The following BLTP2 variants were observed in gnomAD, a reference collection of about 807,000 sequenced individuals.
BLTP2 encodes bridge-like lipid transfer protein family member 2.
the BLTP2 span, among the ~76,000 whole-genome samples, chr17:28,641,417 G>A: frequency 1.4e-4 from 21 of 152,202 alleles, no homozygotes; most frequent in African/African-American, 4.6e-4. Flanking sequence ...CAAGGCTGGC[G>A]GATCACGAGG....
At chr17:28,615,282 T>C in the BLTP2 span, 1 of 1,528,260 alleles carries the variant, frequency 6.5e-7, no homozygotes, top group Non-Finnish European at 8.9e-7. Context: ...AAAATGTAAA[T>C]ATTAGTGGGC....
At chr17:28,626,854 A>G in the BLTP2 span, among the ~76,000 whole-genome samples, 74,046 of 152,110 alleles carry the variant, frequency 0.49, 22,336 homozygotes, top group African/African-American at 0.86. Flanking sequence ...TGTTTCCTTC[A>G]GTCCTGTGAG....
the BLTP2 span, among the ~76,000 whole-genome samples, chr17:28,625,566 C>G: frequency 6.6e-6 from 1 of 152,058 alleles, no homozygotes; most frequent in African/African-American, 2.4e-5. Flanking sequence ...CTACACCTCC[C>G]AAACCTGTTT....
chr17:28,636,695 T>C, the BLTP2 span, among the ~76,000 whole-genome samples: 1 of 151,700 alleles, frequency 6.6e-6, no homozygotes, highest in African/African-American at 2.4e-5. Context: ...CTAGAAAAAA[T>C]AAAGAAGATC....
chr17:28,640,674 T>G, the BLTP2 span: 1 of 1,613,920 alleles, frequency 6.2e-7, no homozygotes, highest in African/African-American at 1.3e-5. Context: ...AACTAAGTTT[T>G]CTGTCACCTC....
the BLTP2 span, chr17:28,621,319 A>C: frequency 7.0e-7 from 1 of 1,434,416 alleles, no homozygotes; most frequent in Non-Finnish European, 9.8e-7. Flanking sequence ...ACTGACGTTA[A>C]GAATAGGTAG....
chr17:28,644,018 A>C, the BLTP2 span: 8 of 1,580,828 alleles, frequency 5.1e-6, no homozygotes, highest in Non-Finnish European at 6.9e-6. Flanking sequence ...ATTCAATTGG[A>C]TCAACCCTAC....
the BLTP2 span, chr17:28,637,205 G>A: frequency 3.5e-5 from 55 of 1,555,540 alleles, no homozygotes; most frequent in African/African-American, 6.8e-5. Context: ...CTTGGTTCCC[G>A]GCTCTCAAAG....
the BLTP2 span, chr17:28,623,749 CACTG>C: frequency 6.2e-7 from 1 of 1,612,786 alleles, no homozygotes; most frequent in South Asian, 1.1e-5. Context: ...TTCACAAACT[CACTG>C]ACTAACCTCT....
At chr17:28,633,191 G>C in the BLTP2 span, 3 of 1,592,392 alleles carry the variant, frequency 1.9e-6, no homozygotes, top group Non-Finnish European at 2.6e-6. Context: ...CCAGCCCTCA[G>C]TGCCCTGGTC....
the BLTP2 span, among the ~76,000 whole-genome samples, chr17:28,641,606 A>G: frequency 1.3e-5 from 2 of 151,082 alleles, no homozygotes; most frequent in African/African-American, 4.9e-5. Flanking sequence ...ACGCCATTGC[A>G]CTCCAGCCTG....
the BLTP2 span, among the ~76,000 whole-genome samples, chr17:28,641,242 G>C: frequency 6.6e-6 from 1 of 152,074 alleles, no homozygotes. Flanking sequence ...TTGTGGATGC[G>C]GAACACACAG....
chr17:28,622,815 G>A, the BLTP2 span, among the ~76,000 whole-genome samples: 2 of 152,172 alleles, frequency 1.3e-5, no homozygotes, highest in East Asian at 3.8e-4. Context: ...GGTGGCTCAC[G>A]CCTGTAATCC....
the BLTP2 span, chr17:28,633,838 C>G: frequency 6.2e-7 from 1 of 1,602,306 alleles, no homozygotes; most frequent in South Asian, 1.1e-5. Flanking sequence ...AGCTCACCTC[C>G]CATTTCACCC....
chr17:28,620,702 C>T, the BLTP2 span: 4 of 1,535,066 alleles, frequency 2.6e-6, no homozygotes, highest in South Asian at 1.2e-5. Context: ...TCTTAACCCA[C>T]ATTTGGAACC....
chr17:28,643,080 C>T, the BLTP2 span: 1 of 1,573,736 alleles, frequency 6.4e-7, no homozygotes, highest in Non-Finnish European at 8.7e-7. Context: ...TAGCATTATG[C>T]CCTAAAAACA....
At chr17:28,638,584 T>C in the BLTP2 span, 2 of 1,613,874 alleles carry the variant, frequency 1.2e-6, no homozygotes, top group South Asian at 1.1e-5. Context: ...TGAATGGAAA[T>C]GTTGACATTG....
the BLTP2 span, chr17:28,634,923 C>T: frequency 6.2e-7 from 1 of 1,613,926 alleles, no homozygotes; most frequent in South Asian, 1.1e-5. Flanking sequence ...CATGAAGTTT[C>T]ACCTCAAAAA....
the BLTP2 span, among the ~76,000 whole-genome samples, chr17:28,628,933 CAA>C: frequency 5.1e-5 from 6 of 116,922 alleles, no homozygotes; most frequent in Admixed American, 9.0e-5. Context: ...GACGCAGTCT[CAA>C]AAAAAAAAAA....
Sources: gnomAD v4.1 joint callset for allele counts (sites outside exome capture counted in the v4.1 genomes callset) on GRCh38, gnomAD v4.1.1 for gene constraint, MANE v1.5 for transcripts, NCBI Gene and HGNC (gene_info 2026-07-23, HGNC 2026-07-21) for gene names.